Variants in POU2AF2 observed in about 807,000 individuals in gnomAD.
The protein encoded by POU2AF2 is POU class 2 homeobox associating factor 2, also known as POU domain class 2-associating factor 2.
chr11:111,282,979 A>G, the POU2AF2 span, among the ~76,000 whole-genome samples: 1 of 148,464 alleles, frequency 6.7e-6, no homozygotes, highest in South Asian at 2.2e-4. Context: ...CTTGGAAACC[A>G]TTTCACTGCT....
chr11:111,277,037 C>T, the POU2AF2 span, among the ~76,000 whole-genome samples: 3 of 152,080 alleles, frequency 2.0e-5, no homozygotes, highest in African/African-American at 7.2e-5. Context: ...ATATTGATGT[C>T]TAATTTGTGA....
the POU2AF2 span, among the ~76,000 whole-genome samples, chr11:111,248,768 T>C: frequency 8.3e-4 from 127 of 152,326 alleles, no homozygotes; most frequent in Non-Finnish European, 1.5e-3. Context: ...GAGAATGTCA[T>C]CAAAAATAGT....
the POU2AF2 span, among the ~76,000 whole-genome samples, chr11:111,248,359 G>C: frequency 6.6e-6 from 1 of 152,164 alleles, no homozygotes; most frequent in Non-Finnish European, 1.5e-5. Context: ...CACCAGAGCT[G>C]GTACCTGAGC....
chr11:111,256,586 G>A, the POU2AF2 span, among the ~76,000 whole-genome samples: 1 of 152,350 alleles, frequency 6.6e-6, no homozygotes, highest in East Asian at 1.9e-4. Flanking sequence ...CCCTGGGAAA[G>A]TCATTTTACT....
the POU2AF2 span, among the ~76,000 whole-genome samples, chr11:111,273,836 G>A: frequency 1.3e-4 from 20 of 152,178 alleles, no homozygotes; most frequent in Admixed American, 2.0e-4. Context: ...TGAGCCTGCC[G>A]TGTTAGCTGC....
chr11:111,272,452 T>C, the POU2AF2 span, among the ~76,000 whole-genome samples: 2 of 152,180 alleles, frequency 1.3e-5, no homozygotes, highest in African/African-American at 2.4e-5. Flanking sequence ...ATGGTGATGA[T>C]CTAATGAAAT....
chr11:111,278,617 G>A, the POU2AF2 span, among the ~76,000 whole-genome samples: 2 of 151,812 alleles, frequency 1.3e-5, no homozygotes, highest in African/African-American at 4.8e-5. Context: ...TGAGAAGCCA[G>A]CTTTCTGCAA....
the POU2AF2 span, among the ~76,000 whole-genome samples, chr11:111,268,108 T>A: frequency 2.0e-5 from 3 of 152,182 alleles, no homozygotes; most frequent in Non-Finnish European, 4.4e-5. Context: ...AAGGAGTTGG[T>A]CATACATAAA....
At chr11:111,273,353 A>C in the POU2AF2 span, among the ~76,000 whole-genome samples, 1 of 152,188 alleles carries the variant, frequency 6.6e-6, no homozygotes, top group Non-Finnish European at 1.5e-5. Flanking sequence ...CCTATGGTGG[A>C]TCTAAATGTA....
chr11:111,277,013 T>G, the POU2AF2 span, among the ~76,000 whole-genome samples: 1 of 152,204 alleles, frequency 6.6e-6, no homozygotes, highest in East Asian at 1.9e-4. Context: ...ACAGAATTAC[T>G]GAATTAAATG....
the POU2AF2 span, chr11:111,285,899 C>T: frequency 6.2e-7 from 1 of 1,613,614 alleles, no homozygotes; most frequent in Non-Finnish European, 8.5e-7. Context: ...CCCCTTCACC[C>T]CTTTCATGAC....
the POU2AF2 span, among the ~76,000 whole-genome samples, chr11:111,280,446 C>T: frequency 6.6e-6 from 1 of 152,126 alleles, no homozygotes; most frequent in East Asian, 1.9e-4. Flanking sequence ...TGCGAAATTC[C>T]AGAAATAAAC....
the POU2AF2 span, among the ~76,000 whole-genome samples, chr11:111,268,928 G>A: frequency 6.6e-6 from 1 of 151,726 alleles, no homozygotes; most frequent in South Asian, 2.1e-4. Context: ...AGAAATCCCT[G>A]TTGTTCTCTT....
chr11:111,267,732 C>T, the POU2AF2 span, among the ~76,000 whole-genome samples: 3 of 152,260 alleles, frequency 2.0e-5, no homozygotes, highest in South Asian at 6.2e-4. Flanking sequence ...CAATGCTCTC[C>T]CAGCCCCCGT....
chr11:111,264,128 G>C, the POU2AF2 span, among the ~76,000 whole-genome samples: 1 of 152,170 alleles, frequency 6.6e-6, no homozygotes, highest in Non-Finnish European at 1.5e-5. Context: ...TGCCAAAAGA[G>C]TTGAGTGTGA....
chr11:111,250,416 T>C, the POU2AF2 span, among the ~76,000 whole-genome samples: 1 of 152,198 alleles, frequency 6.6e-6, no homozygotes, highest in Non-Finnish European at 1.5e-5. Flanking sequence ...AAACTGTAAA[T>C]TTTTGCAGCC....
the POU2AF2 span, among the ~76,000 whole-genome samples, chr11:111,273,642 C>T: frequency 1.3e-5 from 2 of 152,186 alleles, no homozygotes; most frequent in African/African-American, 4.8e-5. Context: ...GCTAGTCAGA[C>T]ATCACTTCCT....
the POU2AF2 span, among the ~76,000 whole-genome samples, chr11:111,276,977 C>T: frequency 6.6e-6 from 1 of 152,050 alleles, no homozygotes; most frequent in Non-Finnish European, 1.5e-5. Flanking sequence ...GACATTTGAA[C>T]CTTAATTCAA....
At chr11:111,250,576 C>T in the POU2AF2 span, among the ~76,000 whole-genome samples, 3 of 152,172 alleles carry the variant, frequency 2.0e-5, no homozygotes, top group African/African-American at 7.2e-5. Context: ...CTTCGTGGAG[C>T]TTACATTCTA....
Sources: allele counts gnomAD v4.1 joint callset (sites outside exome capture counted in the v4.1 genomes callset), GRCh38; gene constraint gnomAD v4.1.1; transcripts MANE v1.5; gene names NCBI Gene and HGNC (gene_info 2026-07-23, HGNC 2026-07-21).